Variants in MYT1L observed in about 807,000 individuals in gnomAD.
MYT1L encodes myelin transcription factor 1-like protein.
MYT1L carries 12 observed loss-of-function variants against 126.7 expected under a neutral mutation model. That is an observed-to-expected ratio of 0.09 (90% CI 0.06 to 0.15). MYT1L has a LOEUF of 0.15. MYT1L is among the 10% of genes least tolerant of loss of function. The pLI is 1.00. For missense variants in MYT1L, 979 were observed against 1,585.2 expected (o/e 0.62, Z 6.49); for synonymous variants, 541 against 604.2 (o/e 0.90, Z 1.53).
At position 1,892,242 on chromosome 2, in the gene MYT1L, C is replaced by T; in HGVS notation, c.2078G>A (p.Ser693Asn). The stretch of plus-strand genomic sequence containing the variant: ...GCTGCTGCTGCTGGGCGCGTAGCTG[C>T]TGGTGCTGCTGCTGCTGGGGCTGGG... ...KDPSPSSSST[S>N]SYAPSSSSNL... The change falls in exon 15 of 25, where the codon AGC becomes AAC. Residue 693 changes from serine (S) to asparagine (N), a missense_variant. By Grantham distance (46) the Ser-to-Asn change is conservative. Transcript: ENST00000647738. The T allele has an allele frequency of 6.5e-7, 1 of 1,549,880 alleles. No individual in the cohort carries two copies. The highest frequency in any genetic ancestry group is 8.7e-7 in the Non-Finnish European group (1 of 1,146,530).
intron 3 of MYT1L, among the ~76,000 whole-genome samples, chr2:2,060,256 C>T (rs926187569): frequency 6.6e-6 from 1 of 152,110 alleles, no homozygotes; most frequent in Admixed American, 6.5e-5. Context: ...TCGTATAGAA[C>T]AAATAAGTGA....
chr2:1,957,439 C>T (rs10181068), intron 8 of MYT1L, among the ~76,000 whole-genome samples: 31,812 of 151,786 alleles, frequency 0.21, 3,422 homozygotes, highest in East Asian at 0.31. Context: ...CAACCTCCTG[C>T]TCAGAGTTCC....
chr2:2,205,588 A>G (rs1430830459), intron 2 of MYT1L, among the ~76,000 whole-genome samples: 13 of 152,154 alleles, frequency 8.5e-5, no homozygotes, highest in Non-Finnish European at 1.3e-4. Context: ...GGCTTTATCT[A>G]TTTCTAAATT....
At chr2:2,135,061 C>T (rs1391503748) in intron 3 of MYT1L, among the ~76,000 whole-genome samples, 1 of 152,196 alleles carries the variant, frequency 6.6e-6, no homozygotes, top group East Asian at 1.9e-4. Flanking sequence ...TTTCCAGCTC[C>T]CTGCTCCCTC....
At chr2:1,983,414 A>G (rs1020967954) in intron 5 of MYT1L, among the ~76,000 whole-genome samples, 5 of 152,374 alleles carry the variant, frequency 3.3e-5, no homozygotes, top group African/African-American at 9.6e-5. Context: ...TTACATTTAC[A>G]TAGCTGTTTA....
chr2:2,160,544 T>C (rs868431487), intron 3 of MYT1L, among the ~76,000 whole-genome samples: 4 of 152,304 alleles, frequency 2.6e-5, no homozygotes, highest in African/African-American at 7.2e-5. Context: ...GACTTCCTAA[T>C]AGTTTGGTCA....
chr2:1,794,744 C>G (rs116741497), intron 23 of MYT1L, among the ~76,000 whole-genome samples: 1 of 152,290 alleles, frequency 6.6e-6, no homozygotes, highest in African/African-American at 2.4e-5. Context: ...CCGTGCTACC[C>G]GGGTCTGTGG....
At chr2:1,921,899 G>A (rs2053613236) in intron 10 of MYT1L, among the ~76,000 whole-genome samples, 1 of 151,974 alleles carries the variant, frequency 6.6e-6, no homozygotes, top group Admixed American at 6.6e-5. Flanking sequence ...GCTTTATCTC[G>A]GATTGACTAA....
At chr2:2,047,221 T>C (rs2068291953) in intron 4 of MYT1L, among the ~76,000 whole-genome samples, 1 of 152,230 alleles carries the variant, frequency 6.6e-6, no homozygotes, top group African/African-American at 2.4e-5. Context: ...TATCTATGTT[T>C]AAGTTTAATG....
At chr2:2,087,737 A>C (rs1026338219) in intron 3 of MYT1L, among the ~76,000 whole-genome samples, 1 of 152,232 alleles carries the variant, frequency 6.6e-6, no homozygotes. Flanking sequence ...CAAGGGACTA[A>C]CCCAGTGCTT....
At chr2:2,319,733 A>G (rs2096127686) in intron 1 of MYT1L, among the ~76,000 whole-genome samples, 1 of 151,638 alleles carries the variant, frequency 6.6e-6, no homozygotes, top group South Asian at 2.1e-4. Flanking sequence ...AGAAGTATTT[A>G]TGATTACCCT....
At chr2:1,820,452 A>C (rs2038366318) in intron 21 of MYT1L, among the ~76,000 whole-genome samples, 1 of 152,324 alleles carries the variant, frequency 6.6e-6, no homozygotes, top group East Asian at 1.9e-4. Context: ...TGGAGAGGAC[A>C]CAGCATCCAG....
chr2:2,001,607 T>C (rs1017068562), intron 4 of MYT1L, among the ~76,000 whole-genome samples: 1 of 152,236 alleles, frequency 6.6e-6, no homozygotes, highest in Non-Finnish European at 1.5e-5. Flanking sequence ...TGGGTGTTAC[T>C]AGCCTCATTC....
intron 19 of MYT1L, among the ~76,000 whole-genome samples, chr2:1,851,419 T>C (rs2043250174): frequency 6.6e-6 from 1 of 152,150 alleles, no homozygotes; most frequent in Admixed American, 6.5e-5. Flanking sequence ...GCACTGCATG[T>C]GAGATGTCCT....
intron 20 of MYT1L, among the ~76,000 whole-genome samples, chr2:1,839,962 G>A (rs1413728424): frequency 6.6e-6 from 1 of 152,176 alleles, no homozygotes; most frequent in Non-Finnish European, 1.5e-5. Flanking sequence ...GGGAACTTGT[G>A]AATGGCAGGA....
chr2:2,172,531 G>C (rs1219771529), intron 3 of MYT1L, among the ~76,000 whole-genome samples: 1 of 152,268 alleles, frequency 6.6e-6, no homozygotes, highest in Non-Finnish European at 1.5e-5. Flanking sequence ...GCACCAGGCA[G>C]CTAAGATGAA....
chr2:1,947,309 C>T (rs2149288461), intron 8 of MYT1L, among the ~76,000 whole-genome samples: 1 of 152,248 alleles, frequency 6.6e-6, no homozygotes, highest in African/African-American at 2.4e-5. Context: ...GATGTTGGCC[C>T]CATGAGGTTT....
chr2:1,862,341 A>G (rs1483734316), intron 18 of MYT1L, among the ~76,000 whole-genome samples: 1 of 152,216 alleles, frequency 6.6e-6, no homozygotes, highest in Non-Finnish European at 1.5e-5. Flanking sequence ...TTTAAGGTCA[A>G]AAAGGAGCAA....
chr2:2,237,250 G>A (rs971745442), intron 2 of MYT1L, among the ~76,000 whole-genome samples: 12 of 151,442 alleles, frequency 7.9e-5, no homozygotes, highest in African/African-American at 1.7e-4. Flanking sequence ...ACCTCATTCC[G>A]TCTGAAGATT....
Sources: allele counts gnomAD v4.1 joint callset (sites outside exome capture counted in the v4.1 genomes callset), GRCh38; gene constraint gnomAD v4.1.1; transcripts MANE v1.5; gene names NCBI Gene and HGNC (gene_info 2026-07-23, HGNC 2026-07-21).